Variants in GABRB3 observed in about 807,000 individuals in gnomAD.
The protein encoded by GABRB3 is gamma-aminobutyric acid receptor subunit beta-3.
GABRB3 carries 14 observed loss-of-function variants against 52.1 expected under a neutral mutation model. The ratio of observed to expected loss-of-function variants is 0.27; its 90% CI spans 0.18 to 0.42. The LOEUF is 0.42. Among genes scored for constraint, GABRB3 ranks in the 10% least tolerant of loss-of-function variants. The pLI, the probability that GABRB3 is intolerant of heterozygous loss-of-function variation, is 1.00. For synonymous variants in GABRB3, 260 were observed against 232.3 expected (o/e 1.12, Z -1.08); for missense variants, 307 against 609.1 (o/e 0.50, Z 5.22).
chr15:26,547,048 GTA>G lies in GABRB3; in HGVS notation c.*743_*744del, dbSNP rs1889273685. The G allele has an allele frequency of 6.5e-6, 1 of 152,860 alleles. No individual in the cohort carries two copies. The highest frequency in any genetic ancestry group is 1.5e-5 in the Non-Finnish European group (1 of 68,658). 9.5% of individuals were successfully genotyped at this position (152,860 alleles called of 1,614,324 possible). On this transcript the variant is annotated 3_prime_UTR_variant, in exon 9 of 9. Coordinates refer to ENST00000311550, the MANE Select transcript of GABRB3 (RefSeq NM_000814.6). ...GAACAACAGAAACAAACTACACACT[GTA>G]TATTAGAGTACTTACAACGAGATGC...
intron 6 of GABRB3, among the ~76,000 whole-genome samples, chr15:26,572,572 C>T (rs750379308): frequency 1.3e-5 from 2 of 152,166 alleles, no homozygotes; most frequent in Non-Finnish European, 1.5e-5. Context: ...TTTGTAGCTC[C>T]GGTAGACAAG....
intron 3 of GABRB3, among the ~76,000 whole-genome samples, chr15:26,738,114 G>A (rs972727996): frequency 1.3e-5 from 2 of 151,892 alleles, no homozygotes; most frequent in Admixed American, 6.6e-5. Context: ...TTTTGAGATG[G>A]AGTTGTCGCC....
chr15:26,707,830 G>A (rs952276609), intron 3 of GABRB3, among the ~76,000 whole-genome samples: 1 of 152,174 alleles, frequency 6.6e-6, no homozygotes, highest in African/African-American at 2.4e-5. Context: ...GAAGACTGCA[G>A]AGGAGAGGAG....
Position 26,736,899 on chromosome 15 carries a change from A to G in GABRB3, c.240+35503T>C, listed in dbSNP as rs564925611. ...GAGAACATCCTTTGACTTTGATGCAAAAGTCACCGGCACTTCCCAGGTTAG... is the reference window on the plus strand; with the variant it reads ...GAGAACATCCTTTGACTTTGATGCAGAAGTCACCGGCACTTCCCAGGTTAG... On this transcript the variant is annotated intron_variant, in intron 3 of 8. Transcript: ENST00000311550. 5.9e-5 allele frequency among the ~76,000 whole-genome samples: 9 copies of G among 152,334 alleles called. No individual in the cohort carries two copies. In the South Asian group the frequency reaches 1.4e-3, roughly 25 times the overall value.
intron 5 of GABRB3, among the ~76,000 whole-genome samples, chr15:26,581,841 T>G (rs1890801761): frequency 6.6e-6 from 1 of 152,248 alleles, no homozygotes; most frequent in Non-Finnish European, 1.5e-5. Context: ...ACTACCACTA[T>G]TTGATTTTGG....
intron 4 of GABRB3, among the ~76,000 whole-genome samples, chr15:26,607,805 T>C (rs2140512289): frequency 6.6e-6 from 1 of 152,132 alleles, no homozygotes; most frequent in Non-Finnish European, 1.5e-5. Flanking sequence ...CTGCAAACTA[T>C]AACATTCACA....
chr15:26,677,087 A>G (rs1888092887), intron 3 of GABRB3, among the ~76,000 whole-genome samples: 1 of 152,182 alleles, frequency 6.6e-6, no homozygotes, highest in Non-Finnish European at 1.5e-5. Context: ...GTTGGATCCC[A>G]GTTGCCTCTT....
At chr15:26,606,768 C>CGATAGA (rs768804640) in intron 4 of GABRB3, among the ~76,000 whole-genome samples, 1,733 of 89,828 alleles carry the variant, frequency 0.019, 50 homozygotes, top group African/African-American at 0.052. Context: ...ATCTGTCTAT[C>CGATAGA]TATAGATAGA....
At chr15:26,672,743 A>G (rs1380382121) in intron 3 of GABRB3, among the ~76,000 whole-genome samples, 1 of 152,170 alleles carries the variant, frequency 6.6e-6, no homozygotes, top group African/African-American at 2.4e-5. Context: ...AGTTTTGATG[A>G]TGGGAATGTC....
chr15:26,599,283 C>G (rs1891501935), intron 4 of GABRB3, among the ~76,000 whole-genome samples: 2 of 152,182 alleles, frequency 1.3e-5, no homozygotes, highest in African/African-American at 4.8e-5. Context: ...TAGACCTTTC[C>G]ATCAGCATCC....
intron 6 of GABRB3, among the ~76,000 whole-genome samples, chr15:26,575,934 C>T (rs776513630): frequency 2.6e-5 from 4 of 152,208 alleles, no homozygotes; most frequent in Non-Finnish European, 5.9e-5. Flanking sequence ...CTGTTCTCCA[C>T]ATATCTTGCG....
In GABRB3 at chr15:26,623,033, T is replaced by G. The variant is rs945255860; in HGVS notation, c.241-1499A>C. On this transcript the variant is annotated intron_variant, in intron 3 of 8. Transcript: ENST00000311550. ...CCAGACACTTTTGTGGGCACAGCTC[T>G]GTGCCTAGTAATAACCTGTGGGGGC... Among the ~76,000 whole-genome samples the G allele has an allele frequency of 2.6e-5, 4 of 152,298 alleles. No homozygotes were observed. In the South Asian group the frequency reaches 8.3e-4, roughly 32 times the overall value.
chr15:26,715,085 G>A (rs1364368034), intron 3 of GABRB3, among the ~76,000 whole-genome samples: 1 of 152,122 alleles, frequency 6.6e-6, no homozygotes, highest in East Asian at 1.9e-4. Flanking sequence ...GGGCAAGAGG[G>A]GGCCATGGGC....
intron 3 of GABRB3, among the ~76,000 whole-genome samples, chr15:26,663,509 T>A (rs1280867201): frequency 1.3e-5 from 2 of 152,240 alleles, no homozygotes. Context: ...CTACATTATC[T>A]GACATAGTCA....
chr15:26,598,250 C>CA lies in GABRB3; in HGVS notation c.462-14837dup, dbSNP rs1285506385. Among the ~76,000 whole-genome samples, 277 of 150,172 alleles carry CA rather than the reference C, an allele frequency of 1.8e-3. 4 individuals are homozygous for CA. In the East Asian group the frequency reaches 0.034, roughly 19 times the overall value. ...AACTGGTCGAATAAGAATTTTTAAGCAAAAAAACAAAAAAGGTAAATTAAC... is the reference window on the plus strand; with the variant it reads ...AACTGGTCGAATAAGAATTTTTAAGCAAAAAAAACAAAAAAGGTAAATTAAC... On this transcript the variant is annotated intron_variant, in intron 4 of 8. Transcript: ENST00000311550.
chr15:26,761,156 A>G lies in GABRB3; in HGVS notation c.240+11246T>C, dbSNP rs929616419. Among the ~76,000 whole-genome samples, 4 of 152,206 alleles carry G rather than the reference A, an allele frequency of 2.6e-5. No homozygotes were observed. In the South Asian group the frequency reaches 8.3e-4, roughly 32 times the overall value. On this transcript the variant is annotated intron_variant, in intron 3 of 8. Transcript: ENST00000311550. ...ACGCCTATAATCTTAGCACTTTGGGAGGCCAAGGCAGGCGGATCACCAGGT... is the reference window on the plus strand; with the variant it reads ...ACGCCTATAATCTTAGCACTTTGGGGGGCCAAGGCAGGCGGATCACCAGGT...
At chr15:26,551,340 C>A (rs1889453903) in intron 8 of GABRB3, among the ~76,000 whole-genome samples, 1 of 152,138 alleles carries the variant, frequency 6.6e-6, no homozygotes. Context: ...GGGAGAGCGC[C>A]CTGCAATGGT....
intron 3 of GABRB3, among the ~76,000 whole-genome samples, chr15:26,722,569 T>C (rs1469944296): frequency 6.6e-6 from 1 of 152,214 alleles, no homozygotes; most frequent in African/African-American, 2.4e-5. Context: ...AACTTTACGT[T>C]AATATTCAGT....
intron 4 of GABRB3, 97 bp from the exon 5 acceptor site, chr15:26,583,511 C>A: frequency 1.1e-6 from 1 of 930,236 alleles, no homozygotes; most frequent in Non-Finnish European, 1.8e-6. Flanking sequence ...TGTGGGAACC[C>A]TGCCCAAAGT....
Sources: allele counts gnomAD v4.1 joint callset (sites outside exome capture counted in the v4.1 genomes callset), GRCh38; gene constraint gnomAD v4.1.1; transcripts MANE v1.5; gene names NCBI Gene and HGNC (gene_info 2026-07-23, HGNC 2026-07-21).